The following ADAMTSL1 variants were observed in gnomAD, a reference collection of about 807,000 sequenced individuals.
The protein encoded by ADAMTSL1 is ADAMTS like 1.
ADAMTSL1 carries 126 observed loss-of-function variants against 201.8 expected under a neutral mutation model. That is an observed-to-expected ratio of 0.62 (90% CI 0.54 to 0.72). ADAMTSL1 has a LOEUF of 0.72. Among genes scored for constraint, ADAMTSL1 ranks in the 30% least tolerant of loss-of-function variants. The pLI is 0.00. For missense variants in ADAMTSL1, 2,679 were observed against 2,277.8 expected, an observed-to-expected ratio of 1.18 and a Z score of -3.59; for synonymous variants, 1,121 against 903.4, an observed-to-expected ratio of 1.24 and a Z score of -4.32.
At chr9:18,528,910 C>T (rs949596325) in intron 2 of ADAMTSL1, among the ~76,000 whole-genome samples, 1 of 152,046 alleles carries the variant, frequency 6.6e-6, no homozygotes, top group African/African-American at 2.4e-5. Flanking sequence ...TTTTCATCCC[C>T]AGAGGTAAAT....
chr9:18,304,623 A>G (rs958257799), intron 2 of ADAMTSL1, among the ~76,000 whole-genome samples: 1 of 151,552 alleles, frequency 6.6e-6, no homozygotes, highest in Non-Finnish European at 1.5e-5. Flanking sequence ...TGATCTAGAC[A>G]AGTTTGGTAG....
At chr9:18,731,836 G>A (rs1818234355) in intron 15 of ADAMTSL1, among the ~76,000 whole-genome samples, 1 of 152,052 alleles carries the variant, frequency 6.6e-6, no homozygotes, top group Non-Finnish European at 1.5e-5. Flanking sequence ...GATATCACAA[G>A]AACTCACTAT....
At chr9:18,223,704 T>C (rs2132372148) in intron 2 of ADAMTSL1, among the ~76,000 whole-genome samples, 1 of 152,248 alleles carries the variant, frequency 6.6e-6, no homozygotes, top group East Asian at 1.9e-4. Context: ...GTTTTATGTA[T>C]TGTACCTGAA....
chr9:18,273,968 G>A (rs573306761), intron 2 of ADAMTSL1, among the ~76,000 whole-genome samples: 4 of 152,272 alleles, frequency 2.6e-5, no homozygotes, highest in East Asian at 1.9e-4. Context: ...CCTAAAATGC[G>A]TAAATCCTGC....
chr9:18,887,640 G>A (rs1828983277), intron 23 of ADAMTSL1, among the ~76,000 whole-genome samples, 191 bp from the exon 24 acceptor site: 1 of 152,056 alleles, frequency 6.6e-6, no homozygotes, highest in Admixed American at 6.5e-5. Context: ...ATGAATCATA[G>A]TCACCCTCCT....
chr9:18,880,846 T>C (rs1168722501), intron 23 of ADAMTSL1, among the ~76,000 whole-genome samples: 1 of 152,096 alleles, frequency 6.6e-6, no homozygotes, highest in African/African-American at 2.4e-5. Flanking sequence ...AATAGAAGAG[T>C]GTTTCATCTA....
chr9:18,718,866 A>T (rs1445935271), intron 14 of ADAMTSL1, among the ~76,000 whole-genome samples: 1 of 152,256 alleles, frequency 6.6e-6, no homozygotes, highest in African/African-American at 2.4e-5. Context: ...GGTTTTCAAC[A>T]GCTGAATAAA....
At chr9:18,759,825 G>A (rs1357287532) in intron 16 of ADAMTSL1, among the ~76,000 whole-genome samples, 9 of 152,266 alleles carry the variant, frequency 5.9e-5, no homozygotes, top group East Asian at 3.9e-4. Flanking sequence ...GAAAGCTTGA[G>A]ACTAGATGAA....
At chr9:18,428,737 T>G (rs1819347750) in intron 2 of ADAMTSL1, among the ~76,000 whole-genome samples, 3 of 152,264 alleles carry the variant, frequency 2.0e-5, no homozygotes, top group Admixed American at 2.0e-4. Flanking sequence ...CCATTTCAAC[T>G]GTGTATTTCT....
rs117236331 is a variant in ADAMTSL1 at position 18,060,727 on chromosome 9, G to A, written c.88-103135G>A. Among the ~76,000 whole-genome samples the A allele has an allele frequency of 5.3e-3, 804 of 152,164 alleles. 2 individuals are homozygous for A. The highest frequency in any genetic ancestry group is 0.014 in the Middle Eastern group (4 of 294). ...TCGTCTCACCACTGCCCCCTATCCTGAACTTTTAGAAATTCTCAGGTTCTC... is the reference window on the plus strand; with the variant it reads ...TCGTCTCACCACTGCCCCCTATCCTAAACTTTTAGAAATTCTCAGGTTCTC... On this transcript the variant is annotated intron_variant, in intron 1 of 29. Coordinates refer to the ADAMTSL1 transcript ENST00000680146.
Position 18,278,226 on chromosome 9 carries a change from AC to A in ADAMTSL1, c.207+114246del, listed in dbSNP as rs548474004. Among the ~76,000 whole-genome samples the A allele has an allele frequency of 2.6e-4, 40 of 152,232 alleles. No homozygotes were observed. The East Asian group carries it at 7.7e-3, about 29-fold the overall frequency. Reference sequence around the variant, plus strand: ...ATGGTATTAAAGTATTCTGAATTTGACTTTTGATGTTTATAGTGGTTTTTAT... The same window carrying A: ...ATGGTATTAAAGTATTCTGAATTTGATTTTGATGTTTATAGTGGTTTTTAT... On this transcript the variant is annotated intron_variant, in intron 2 of 29. Coordinates refer to the ADAMTSL1 transcript ENST00000680146.
At chr9:18,833,865 A>G (rs145375822) in intron 23 of ADAMTSL1, among the ~76,000 whole-genome samples, 4 of 152,328 alleles carry the variant, frequency 2.6e-5, no homozygotes, top group African/African-American at 9.6e-5. Flanking sequence ...TAATTTTTGT[A>G]TATGGAGTAA....
At chr9:18,175,710 C>T (rs768430802) in intron 2 of ADAMTSL1, among the ~76,000 whole-genome samples, 5 of 152,130 alleles carry the variant, frequency 3.3e-5, no homozygotes, top group African/African-American at 4.8e-5. Context: ...CCTACCTGCT[C>T]CAGGAAGCCA....
At chr9:18,848,389 A>G (rs1398868555) in intron 23 of ADAMTSL1, among the ~76,000 whole-genome samples, 1 of 152,250 alleles carries the variant, frequency 6.6e-6, no homozygotes, top group Admixed American at 6.5e-5. Context: ...TTAATCATTT[A>G]GAATATTTTA....
intron 2 of ADAMTSL1, among the ~76,000 whole-genome samples, chr9:18,253,473 C>A (rs187140589): frequency 4.7e-4 from 72 of 152,288 alleles, no homozygotes; most frequent in African/African-American, 1.7e-3. Context: ...GCCTATATTT[C>A]TTTTCTAAAA....
At chr9:18,055,024 C>A (rs1426014349) in intron 1 of ADAMTSL1, among the ~76,000 whole-genome samples, 1 of 152,202 alleles carries the variant, frequency 6.6e-6, no homozygotes, top group Non-Finnish European at 1.5e-5. Context: ...GAGTGGGTGG[C>A]ACAGGCAGCC....
At chr9:18,847,155 A>G (rs1826171798) in intron 23 of ADAMTSL1, among the ~76,000 whole-genome samples, 1 of 152,206 alleles carries the variant, frequency 6.6e-6, no homozygotes, top group African/African-American at 2.4e-5. Flanking sequence ...ACAGACAGAA[A>G]AGTCAATCAT....
chr9:18,640,819 G>C (rs2066254), intron 7 of ADAMTSL1, among the ~76,000 whole-genome samples: 48,379 of 151,842 alleles, frequency 0.32, 8,317 homozygotes, highest in Non-Finnish European at 0.39. Flanking sequence ...CGTTAGCGCA[G>C]GCCTTTACTT....
chr9:18,402,392 A>G (rs1387259462), intron 2 of ADAMTSL1, among the ~76,000 whole-genome samples: 1 of 152,162 alleles, frequency 6.6e-6, no homozygotes, highest in Admixed American at 6.5e-5. Flanking sequence ...TCATCTTTAA[A>G]TGATGAATTA....
Sources: gnomAD v4.1 joint callset for allele counts (sites outside exome capture counted in the v4.1 genomes callset) on GRCh38, gnomAD v4.1.1 for gene constraint, MANE v1.5 for transcripts, NCBI Gene and HGNC (gene_info 2026-07-23, HGNC 2026-07-21) for gene names.